Variants in RASEF observed in about 807,000 individuals in gnomAD.
The protein encoded by RASEF is RAS and EF-hand domain containing, also known as ras and EF-hand domain-containing protein.
A neutral mutation model predicts 90.1 loss-of-function variants in RASEF; 68 were observed. The ratio of observed to expected loss-of-function variants is 0.75; its 90% CI spans 0.62 to 0.92. RASEF has a LOEUF of 0.92. RASEF is among the 40% of genes least tolerant of loss of function. The probability of loss-of-function intolerance (pLI) is 0.00; values close to 1 mark genes in which losing one functional copy is unlikely to be tolerated. For synonymous variants in RASEF, 331 were observed against 345.2 expected, an observed-to-expected ratio of 0.96 and a Z score of 0.46; for missense variants, 949 against 937.2, an observed-to-expected ratio of 1.01 and a Z score of -0.16.
intron 9 of RASEF, among the ~76,000 whole-genome samples, chr9:83,003,315 A>G (rs965334855): frequency 6.6e-6 from 1 of 152,170 alleles, no homozygotes; most frequent in Admixed American, 6.5e-5. Context: ...ACGTCACTCA[A>G]ACATGCTGGG....
At chr9:83,171,811 T>A in the RASEF span, among the ~76,000 whole-genome samples, 1 of 151,842 alleles carries the variant, frequency 6.6e-6, no homozygotes, top group Non-Finnish European at 1.5e-5. Context: ...TCTTCTTTTT[T>A]CTTTGTTAGT....
At chr9:83,030,271 T>C (rs905817567) in intron 1 of RASEF, among the ~76,000 whole-genome samples, 5 of 151,526 alleles carry the variant, frequency 3.3e-5, no homozygotes, top group African/African-American at 1.2e-4. Context: ...ACAGGAGAAT[T>C]GCTTGAACCC....
the RASEF span, among the ~76,000 whole-genome samples, chr9:83,202,628 A>G: frequency 1.3e-5 from 2 of 152,038 alleles, no homozygotes; most frequent in African/African-American, 4.8e-5. Context: ...GGTGCCCGCC[A>G]CTATGCTTGG....
rs1587498025 is a variant in RASEF at position 83,017,297 on chromosome 9, A to G, written c.670-1397T>C. On this transcript the variant is annotated intron_variant, in intron 3 of 16. Transcript: ENST00000376447. The stretch of plus-strand genomic sequence containing the variant: ...TCAGGAGACTGAGACCATCCTGGCT[A>G]ACACGGTGAAACCTCGTCTCTACTA... Among the ~76,000 whole-genome samples the G allele has an allele frequency of 4.6e-5, 7 of 151,392 alleles. No individual in the cohort carries two copies. The South Asian group carries it at 1.5e-3, about 32-fold the overall frequency.
the RASEF span, among the ~76,000 whole-genome samples, chr9:83,204,463 C>T: frequency 6.6e-6 from 1 of 152,170 alleles, no homozygotes; most frequent in Non-Finnish European, 1.5e-5. Context: ...TAAGAACCTA[C>T]AAGGACAAAA....
At chr9:83,165,279 T>G in the RASEF span, among the ~76,000 whole-genome samples, 1 of 151,988 alleles carries the variant, frequency 6.6e-6, no homozygotes, top group Non-Finnish European at 1.5e-5. Context: ...CTTAATACAT[T>G]TAAGAGAATA....
At chr9:83,031,510 G>T (rs937263291) in intron 1 of RASEF, among the ~76,000 whole-genome samples, 1 of 152,134 alleles carries the variant, frequency 6.6e-6, no homozygotes, top group African/African-American at 2.4e-5. Context: ...GGAGACTTAG[G>T]CAAGTACGTC....
chr9:83,055,700 A>G (rs959547372), intron 1 of RASEF: 12 of 717,010 alleles, frequency 1.7e-5, no homozygotes, highest in Admixed American at 4.0e-5. Context: ...TACAAAAGTC[A>G]TCCAAATCTG....
intron 1 of RASEF, chr9:83,055,320 G>T (rs371929936): frequency 2.6e-6 from 1 of 385,980 alleles, no homozygotes; most frequent in South Asian, 2.3e-5. Context: ...AGGTGCGTCC[G>T]TCACCCCTTT....
the RASEF span, among the ~76,000 whole-genome samples, chr9:83,187,322 A>G: frequency 5.3e-5 from 8 of 152,238 alleles, no homozygotes; most frequent in South Asian, 8.3e-4. Flanking sequence ...TCTGTCTGCC[A>G]TCACATAAAA....
At chr9:83,116,501 A>T in the RASEF span, among the ~76,000 whole-genome samples, 2 of 151,230 alleles carry the variant, frequency 1.3e-5, no homozygotes, top group African/African-American at 2.5e-5. Flanking sequence ...AAATACTGGG[A>T]ATGAACAGTA....
chr9:83,210,766 T>G, the RASEF span, among the ~76,000 whole-genome samples: 1 of 152,220 alleles, frequency 6.6e-6, no homozygotes, highest in East Asian at 1.9e-4. Context: ...ATGTTATAGG[T>G]ATAGTATAAA....
At chr9:83,176,677 A>G in the RASEF span, among the ~76,000 whole-genome samples, 2 of 151,746 alleles carry the variant, frequency 1.3e-5, no homozygotes, top group African/African-American at 4.9e-5. Context: ...TGTTTGCCAT[A>G]TAAATCTTAA....
Position 83,062,309 on chromosome 9 carries a change from A to AATC in RASEF, c.431+127_431+128insGAT, listed in dbSNP as rs1830218432. ...TTGGAAAAGTCAAAGCGAGTAGGTG[A>AATC]AGGAAGACAAGCAACTCACAGAGAA... is the stretch of plus-strand genomic sequence containing the variant. On this transcript the variant is annotated intron_variant, in intron 1 of 16. Transcript: ENST00000376447. 9.1e-6 allele frequency: 8 copies of AATC among 877,480 alleles called. No individual in the cohort carries two copies. In the South Asian group the frequency reaches 1.4e-4, roughly 15 times the overall value. The allele number at this position is 877,480 out of a possible 1,614,324, so 54.4% of individuals were successfully genotyped here.
At chr9:83,019,973 C>T (rs749371606) in intron 3 of RASEF, among the ~76,000 whole-genome samples, 5 of 152,114 alleles carry the variant, frequency 3.3e-5, no homozygotes, top group African/African-American at 9.7e-5. Flanking sequence ...GAAGAAACTT[C>T]GAGGGTGGAT....
At position 82,982,644 on chromosome 9, in the gene RASEF, A is replaced by G. The variant is rs1587470509; in HGVS notation, c.*33T>C. On this transcript the variant is annotated 3_prime_UTR_variant, in exon 17 of 17. Coordinates refer to ENST00000376447, the MANE Select transcript of RASEF (RefSeq NM_152573.4). Reference sequence around the variant, plus strand: ...GTCACACAAATTCAGTATTCTGGAAATGAAGACTTCACAGGCCAAGGATGT... The same window carrying G: ...GTCACACAAATTCAGTATTCTGGAAGTGAAGACTTCACAGGCCAAGGATGT... The G allele has an allele frequency of 8.6e-7, 1 of 1,159,800 alleles. No homozygotes were observed. 71.8% of individuals were successfully genotyped at this position (1,159,800 alleles called of 1,614,324 possible). A position where few individuals can be genotyped will look rare whatever the true frequency, so the allele number is the denominator to read the frequency against.
At chr9:82,994,273 C>A (rs1459224725) in intron 14 of RASEF, among the ~76,000 whole-genome samples, 2 of 152,166 alleles carry the variant, frequency 1.3e-5, no homozygotes, top group Non-Finnish European at 2.9e-5. Context: ...CCTCAGGATG[C>A]AAGGGGCATC....
At chr9:83,086,526 G>A in the RASEF span, among the ~76,000 whole-genome samples, 1 of 152,164 alleles carries the variant, frequency 6.6e-6, no homozygotes, top group Non-Finnish European at 1.5e-5. Context: ...AATTTATCTA[G>A]ATCAGCAGTT....
chr9:83,048,351 T>G, intron 1 of RASEF: 1 of 985,342 alleles, frequency 1.0e-6, no homozygotes, highest in Non-Finnish European at 1.2e-6. Flanking sequence ...TCTGTTTGAT[T>G]TCTGACCACC....
Sources: allele counts gnomAD v4.1 joint callset (sites outside exome capture counted in the v4.1 genomes callset), GRCh38; gene constraint gnomAD v4.1.1; transcripts MANE v1.5; gene names NCBI Gene and HGNC (gene_info 2026-07-23, HGNC 2026-07-21).